The following AFAP1 variants were observed in gnomAD, a reference collection of about 807,000 sequenced individuals.
AFAP1 encodes actin filament associated protein 1, also known as actin filament-associated protein 1.
In AFAP1, 75 loss-of-function variants were observed where a neutral mutation model predicts 93.9. The observed-to-expected ratio is 0.80, with a 90% CI of 0.66 to 0.97. AFAP1 has a LOEUF of 0.97. Among genes scored for constraint, AFAP1 ranks in the 50% least tolerant of loss-of-function variants. The probability of loss-of-function intolerance (pLI) is 0.00; values close to 1 mark genes in which losing one functional copy is unlikely to be tolerated. For synonymous variants in AFAP1, 517 were observed against 430.7 expected, an observed-to-expected ratio of 1.20 and a Z score of -2.48; for missense variants, 1,201 against 1,050.8, an observed-to-expected ratio of 1.14 and a Z score of -1.98.
chr4:7,766,317 G>A (rs951404422), intron 17 of AFAP1, among the ~76,000 whole-genome samples: 6 of 152,184 alleles, frequency 3.9e-5, no homozygotes, highest in South Asian at 2.1e-4. Context: ...CAAGGTCGGC[G>A]CTCAAGGGCA....
At chr4:7,886,600 C>T (rs933819906) in intron 1 of AFAP1, among the ~76,000 whole-genome samples, 6 of 152,158 alleles carry the variant, frequency 3.9e-5, no homozygotes, top group African/African-American at 7.2e-5. Flanking sequence ...CACTTTACTT[C>T]GGGAAATTAG....
Position 7,763,546 on chromosome 4 carries a change from T to G in AFAP1, c.*219A>C, listed in dbSNP as rs1480142778. The G allele has an allele frequency of 1.8e-6, 1 of 569,368 alleles. No homozygotes were observed. The highest frequency in any genetic ancestry group is 2.9e-5 in the East Asian group (1 of 34,174). The allele number at this position is 569,368 out of a possible 1,614,324, so 35.3% of individuals were successfully genotyped here. A position where few individuals can be genotyped will look rare whatever the true frequency, so the allele number is the denominator to read the frequency against. On this transcript the variant is annotated 3_prime_UTR_variant, in exon 18 of 18. Coordinates refer to ENST00000420658, the MANE Select transcript of AFAP1 (RefSeq NM_001134647.2). ...TCACTTTTTTTGTTTTTTAACAAAG[T>G]TGGGAACCAAAGTCTTACATCTTTT...
chr4:7,779,209 G>A lies in AFAP1; in HGVS notation c.1783-333C>T. The A allele has an allele frequency of 1.7e-5, 4 of 240,590 alleles. No homozygotes were observed. The South Asian group carries it at 2.7e-4, about 16-fold the overall frequency. The allele number at this position is 240,590 out of a possible 1,614,324, so 14.9% of individuals were successfully genotyped here. Reference sequence around the variant, plus strand: ...ACCCCAGAGCACTCAGATGAGAGGAGTAGTTTGTGTTTCTGAGGATAAGCA... The same window carrying A: ...ACCCCAGAGCACTCAGATGAGAGGAATAGTTTGTGTTTCTGAGGATAAGCA... On this transcript the variant is annotated intron_variant, in intron 13 of 17. Transcript: ENST00000420658.
chr4:7,859,325 A>G (rs1715415159), intron 3 of AFAP1, among the ~76,000 whole-genome samples: 1 of 152,132 alleles, frequency 6.6e-6, no homozygotes, highest in African/African-American at 2.4e-5. Context: ...AGGCTGAGGC[A>G]GGAGAATTGC....
chr4:7,843,000 C>A, intron 5 of AFAP1, 139 bp downstream of exon 5: 2 of 922,258 alleles, frequency 2.2e-6, no homozygotes, highest in South Asian at 1.7e-5. Flanking sequence ...CATGGTACTG[C>A]GGCTAGCTCA....
intron 12 of AFAP1, among the ~76,000 whole-genome samples, chr4:7,784,054 G>C (rs903077897): frequency 6.7e-5 from 9 of 133,516 alleles, no homozygotes; most frequent in African/African-American, 2.7e-4. Flanking sequence ...CTGGAATCTA[G>C]GGCAGGAACT....
intron 1 of AFAP1, among the ~76,000 whole-genome samples, chr4:7,886,754 A>G (rs950733712): frequency 6.6e-6 from 1 of 152,228 alleles, no homozygotes; most frequent in Non-Finnish European, 1.5e-5. Flanking sequence ...ACAGAACGTG[A>G]TAATGGGTTA....
intron 14 of AFAP1, chr4:7,775,206 C>A: frequency 3.5e-6 from 1 of 282,268 alleles, no homozygotes. Flanking sequence ...TCAGCCAACT[C>A]AGTAAACAAA....
intron 1 of AFAP1, among the ~76,000 whole-genome samples, chr4:7,924,776 C>G (rs145574659): frequency 6.6e-6 from 1 of 152,252 alleles, no homozygotes; most frequent in Non-Finnish European, 1.5e-5. Flanking sequence ...GCCAGGCTAG[C>G]ACATCAGACA....
At chr4:7,872,726 G>A (rs1717153368) in intron 1 of AFAP1, among the ~76,000 whole-genome samples, 1 of 152,064 alleles carries the variant, frequency 6.6e-6, no homozygotes, top group Non-Finnish European at 1.5e-5. Context: ...CTGGGGATGT[G>A]AACTCCTCCT....
intron 17 of AFAP1, 115 bp from the exon 18 acceptor site, chr4:7,763,906 C>G: frequency 4.0e-6 from 4 of 995,980 alleles, no homozygotes; most frequent in South Asian, 2.8e-5. Context: ...CTGCAGAAAA[C>G]TCAACAGAAT....
At chr4:7,799,404 A>G (rs1718807370) in intron 10 of AFAP1, among the ~76,000 whole-genome samples, 1 of 152,106 alleles carries the variant, frequency 6.6e-6, no homozygotes, top group Non-Finnish European at 1.5e-5. Flanking sequence ...GATCTTCAGA[A>G]AGACTGCCTG....
At chr4:7,776,720 A>G (rs1399850805) in intron 14 of AFAP1, 1 of 152,244 alleles carries the variant, frequency 6.6e-6, no homozygotes, top group Admixed American at 6.5e-5. Context: ...AAGCGTCGGC[A>G]GCCTGAGGAG....
chr4:7,798,041 T>C (rs1560164803), intron 10 of AFAP1, among the ~76,000 whole-genome samples: 1 of 152,174 alleles, frequency 6.6e-6, no homozygotes, highest in East Asian at 1.9e-4. Flanking sequence ...AAAACAAAAG[T>C]TAAAATAAAA....
chr4:7,801,008 C>T (rs991168185), intron 9 of AFAP1, among the ~76,000 whole-genome samples: 12 of 152,238 alleles, frequency 7.9e-5, no homozygotes, highest in Non-Finnish European at 1.2e-4. Context: ...GATGGGGGCA[C>T]GACAGCTGCC....
At chr4:7,809,187 T>C (rs1577236854) in intron 9 of AFAP1, among the ~76,000 whole-genome samples, 1 of 151,922 alleles carries the variant, frequency 6.6e-6, no homozygotes, top group Non-Finnish European at 1.5e-5. Context: ...ATTAGGTATA[T>C]CTCCTAATGC....
chr4:7,773,336 C>A (rs1715702580), intron 15 of AFAP1: 2 of 290,212 alleles, frequency 6.9e-6, no homozygotes, highest in East Asian at 1.5e-4. Flanking sequence ...CCCAAAGCTG[C>A]CACCTTCTTG....
rs190865357 is a variant in AFAP1 at position 7,847,893 on chromosome 4, G to C, written c.335-4543C>G. Among the ~76,000 whole-genome samples the C allele has an allele frequency of 4.7e-4, 72 of 151,820 alleles. 1 individual carries two copies. Among genetic ancestry groups the C allele is most frequent in the African/African-American group, 1.7e-3 (70 of 41,302 alleles). ...AGACCAAAGGGCCAACAACAGAACC[G>C]TGTGAACTCTGTTGAAAGGACGTTG... On this transcript the variant is annotated intron_variant, in intron 4 of 17. Transcript: ENST00000420658.
At chr4:7,896,361 C>T (rs1718766139) in intron 1 of AFAP1, among the ~76,000 whole-genome samples, 3 of 152,144 alleles carry the variant, frequency 2.0e-5, no homozygotes, top group Admixed American at 6.5e-5. Flanking sequence ...ACCGACATGA[C>T]GAACCTCCTA....
Sources: gnomAD v4.1 joint callset for allele counts (sites outside exome capture counted in the v4.1 genomes callset) on GRCh38, gnomAD v4.1.1 for gene constraint, MANE v1.5 for transcripts, NCBI Gene and HGNC (gene_info 2026-07-23, HGNC 2026-07-21) for gene names.